The following CUX2 variants were observed in gnomAD, a reference collection of about 807,000 sequenced individuals.
CUX2 encodes the protein cut like homeobox 2.
CUX2 carries 40 observed loss-of-function variants against 144.8 expected under a neutral mutation model. That is an observed-to-expected ratio of 0.28 (90% CI 0.21 to 0.36). The LOEUF (loss-of-function observed/expected upper bound fraction) is 0.36. Ranked by LOEUF, CUX2 falls within the 10% of genes least tolerant of loss-of-function variation. The probability of loss-of-function intolerance (pLI) is 1.00; values close to 1 mark genes in which losing one functional copy is unlikely to be tolerated. For missense variants in CUX2, 1,615 were observed against 1,994.0 expected (o/e 0.81, Z 3.62); for synonymous variants, 827 against 875.6 (o/e 0.94, Z 0.98).
At chr12:111,065,417 T>G (rs1239607188) in intron 1 of CUX2, among the ~76,000 whole-genome samples, 2 of 152,208 alleles carry the variant, frequency 1.3e-5, no homozygotes, top group Non-Finnish European at 2.9e-5. Context: ...CACTGCAAAC[T>G]CCGCCTCTCC....
rs185078256 is a variant in CUX2, at chr12:111,169,328, A to T, written c.64-44872A>T. On this transcript the variant is annotated intron_variant, in intron 1 of 21. Transcript: ENST00000261726. ...AGAGTGAGCGCAGCCCTGCCAGCCC[A>T]CACCTTGATTTCAGACTTCCAGCCT... is the stretch of plus-strand genomic sequence containing the variant. Among the ~76,000 whole-genome samples, 745 of 152,244 alleles carry T rather than the reference A, an allele frequency of 4.9e-3. 5 individuals carry two copies. Among genetic ancestry groups the T allele is most frequent in the Non-Finnish European group, 7.1e-3 (486 of 68,008 alleles).
At chr12:111,130,657 G>A (rs1463286973) in intron 1 of CUX2, among the ~76,000 whole-genome samples, 1 of 152,354 alleles carries the variant, frequency 6.6e-6, no homozygotes, top group East Asian at 1.9e-4. Flanking sequence ...CCTTCCCAGT[G>A]TGGGTGCATA....
At chr12:111,272,209 G>A (rs554550538) in intron 4 of CUX2, among the ~76,000 whole-genome samples, 9 of 152,210 alleles carry the variant, frequency 5.9e-5, no homozygotes, top group South Asian at 4.1e-4. Flanking sequence ...CAAATAACTC[G>A]TTTCAGTGCC....
intron 16 of CUX2, among the ~76,000 whole-genome samples, chr12:111,314,306 C>A (rs930818938): frequency 4.2e-5 from 6 of 143,832 alleles, no homozygotes. Context: ...AACTCCTGAC[C>A]TCGTGATCCA....
chr12:111,313,965 G>A (rs907229056), intron 16 of CUX2, among the ~76,000 whole-genome samples: 1 of 152,086 alleles, frequency 6.6e-6, no homozygotes, highest in Admixed American at 6.6e-5. Context: ...TGGCTGCTCC[G>A]AGCAGGTGTC....
At position 111,306,732 on chromosome 12, in the gene CUX2, CTT is replaced by C. The variant is rs1886602676; in HGVS notation, c.859-188_859-187del. 2.0e-5 allele frequency among the ~76,000 whole-genome samples: 3 copies of C among 152,112 alleles called. No homozygotes were observed. The South Asian group carries it at 6.2e-4, about 32-fold the overall frequency. On this transcript the variant is annotated intron_variant, in intron 10 of 21. Transcript: ENST00000261726. ...AATAAATCTTTTAATCAAAGTGTAA[CTT>C]AATACATAAGGAAAAGTGTACAAGT...
chr12:111,250,440 G>C (rs1883509388), intron 3 of CUX2, among the ~76,000 whole-genome samples: 1 of 152,158 alleles, frequency 6.6e-6, no homozygotes, highest in African/African-American at 2.4e-5. Flanking sequence ...GCTGCCCCTG[G>C]GAGCGTTTGG....
At chr12:111,154,325 G>C (rs1253803416) in intron 1 of CUX2, among the ~76,000 whole-genome samples, 1 of 152,078 alleles carries the variant, frequency 6.6e-6, no homozygotes, top group Non-Finnish European at 1.5e-5. Flanking sequence ...CTCCTGGAGC[G>C]AGACTTCAGA....
chr12:111,243,881 G>A (rs1449441364), intron 3 of CUX2, among the ~76,000 whole-genome samples: 2 of 152,138 alleles, frequency 1.3e-5, no homozygotes, highest in Admixed American at 6.5e-5. Flanking sequence ...CTTCCTGTAT[G>A]TGTGTGTGCA....
chr12:111,045,986 C>T (rs1869977165), intron 1 of CUX2, among the ~76,000 whole-genome samples: 1 of 152,188 alleles, frequency 6.6e-6, no homozygotes, highest in South Asian at 2.1e-4. Flanking sequence ...CAGTGGTGCC[C>T]AAATCTGGGT....
rs946687434 is a variant in CUX2 at position 111,295,822 on chromosome 12, G to A, written c.637+413G>A. ...GGGGCCAAAACGCTACCAAGCCACC[G>A]ACTTAGGGGAGGCGTTGGGGAGGGG... is the stretch of plus-strand genomic sequence containing the variant. On this transcript the variant is annotated intron_variant, in intron 7 of 21. Transcript: ENST00000261726. The surrounding 1 kb of genome is among the most constrained non-coding windows in gnomAD (Gnocchi z 5.0). 3.3e-5 allele frequency among the ~76,000 whole-genome samples: 5 copies of A among 151,832 alleles called. No homozygotes were observed. The highest frequency in any genetic ancestry group is 2.1e-4 in the South Asian group (1 of 4,800).
At chr12:111,145,276 G>T (rs1185244188) in intron 1 of CUX2, among the ~76,000 whole-genome samples, 2 of 152,132 alleles carry the variant, frequency 1.3e-5, no homozygotes, top group African/African-American at 4.8e-5. Context: ...GTGAGCCCAT[G>T]GCCCTAGCAC....
At chr12:111,142,460 A>G (rs1019100598) in intron 1 of CUX2, among the ~76,000 whole-genome samples, 1 of 151,986 alleles carries the variant, frequency 6.6e-6, no homozygotes, top group African/African-American at 2.4e-5. Context: ...GGCTTAATAA[A>G]ACAGGTGAGG....
chr12:111,156,793 A>G (rs755391830), intron 1 of CUX2, among the ~76,000 whole-genome samples: 1 of 152,014 alleles, frequency 6.6e-6, no homozygotes, highest in Non-Finnish European at 1.5e-5. Context: ...GCCTGACCAA[A>G]ATGGTGAGAC....
At chr12:111,105,308 A>C (rs949455365) in intron 1 of CUX2, among the ~76,000 whole-genome samples, 6 of 152,186 alleles carry the variant, frequency 3.9e-5, no homozygotes, top group African/African-American at 1.4e-4. Flanking sequence ...GGGTTTTGGA[A>C]TGATCAGCCA....
At chr12:111,254,862 C>CT in intron 3 of CUX2, among the ~76,000 whole-genome samples, 1 of 151,552 alleles carries the variant, frequency 6.6e-6, no homozygotes, top group Non-Finnish European at 1.5e-5. Context: ...TTTTTTTTTC[C>CT]TTTTTGAGAC....
intron 1 of CUX2, among the ~76,000 whole-genome samples, chr12:111,211,909 G>C (rs1881255104): frequency 6.6e-6 from 1 of 151,324 alleles, no homozygotes; most frequent in Non-Finnish European, 1.5e-5. Context: ...AAAAGTGTCA[G>C]ACACACAATA....
chr12:111,078,624 C>T lies in CUX2; in HGVS notation c.63+44384C>T, dbSNP rs568376789. On this transcript the variant is annotated intron_variant, in intron 1 of 21. Transcript: ENST00000261726. ...ATTTGAGGCTGCAGCGAGCTATGAT[C>T]GTGCCACTACACTCCAGCCTGGGCG... Among the ~76,000 whole-genome samples, 5 of 152,188 alleles carry T rather than the reference C, an allele frequency of 3.3e-5. No homozygotes were observed. The East Asian group carries it at 7.7e-4, about 24-fold the overall frequency.
chr12:111,253,355 G>A (rs933804362), intron 3 of CUX2, among the ~76,000 whole-genome samples: 9 of 132,204 alleles, frequency 6.8e-5, no homozygotes, highest in African/African-American at 2.0e-4. Context: ...ACCATCTCCC[G>A]CCACACCAGC....
Sources: gnomAD v4.1 joint callset for allele counts (sites outside exome capture counted in the v4.1 genomes callset) on GRCh38, gnomAD v4.1.1 for gene constraint, Gnocchi (gnomAD v3.1) non-coding constraint, MANE v1.5 for transcripts, NCBI Gene and HGNC (gene_info 2026-07-23, HGNC 2026-07-21) for gene names.